STARD13: variants seen among roughly 807,000 people sequenced by gnomAD.
STARD13 encodes the protein stAR-related lipid transfer protein 13.
STARD13 carries 62 observed loss-of-function variants against 106.4 expected under a neutral mutation model. The observed-to-expected ratio is 0.58, with a 90% CI of 0.48 to 0.72. STARD13 has a LOEUF of 0.72. STARD13 is among the 30% of genes least tolerant of loss of function. The pLI is 0.00. For synonymous variants in STARD13, 565 were observed against 553.0 expected (o/e 1.02, Z -0.31); for missense variants, 1,387 against 1,424.0 (o/e 0.97, Z 0.42).
At chr13:33,149,785 C>G (rs1881027950) in intron 3 of STARD13, among the ~76,000 whole-genome samples, 1 of 152,180 alleles carries the variant, frequency 6.6e-6, no homozygotes. Context: ...CTGACTGCCT[C>G]AAGTAAAAGA....
At chr13:33,635,256 G>A in the STARD13 span, among the ~76,000 whole-genome samples, 1 of 137,584 alleles carries the variant, frequency 7.3e-6, no homozygotes, top group Non-Finnish European at 1.5e-5. Context: ...CAGACTGCCC[G>A]GGGTTAAAAT....
At position 33,130,324 on chromosome 13, in the gene STARD13, C is replaced by T. The variant is rs903265771; in HGVS notation, c.388-35G>A. ...ACCAAGGAAAATGCTCATTAGCAGA[C>T]AGCGTGGCTGAAGCAGGAACTCTGG... On this transcript the variant is annotated intron_variant, in intron 4 of 13. Coordinates refer to ENST00000336934, the MANE Select transcript of STARD13 (RefSeq NM_178006.4). This position sits in a 1 kb window ranked among gnomAD's most constrained non-coding sequence, Gnocchi z 4.1. 6.3e-7 allele frequency: 1 copy of T among 1,578,890 alleles called. No individual in the cohort carries two copies. The highest frequency in any genetic ancestry group is 8.6e-7 in the Non-Finnish European group (1 of 1,167,778).
In STARD13 at chr13:33,128,921, C is replaced by A; in HGVS notation, c.1748+8G>T. The A allele has an allele frequency of 6.3e-7, 1 of 1,591,746 alleles. No homozygotes were observed. Among genetic ancestry groups the A allele is most frequent in the Non-Finnish European group, 8.5e-7 (1 of 1,170,706 alleles). ...TGAAAAATCATTTCACAAGTGCATG[C>A]CACCTACCTGTTTGGCCTGGTCAGA... On this transcript the variant is annotated splice_region_variant and intron_variant, in intron 5 of 13. Coordinates refer to ENST00000336934, the MANE Select transcript of STARD13 (RefSeq NM_178006.4).
intron 13 of STARD13, 121 bp downstream of exon 13, chr13:33,106,637 T>C: frequency 2.2e-6 from 2 of 907,668 alleles, no homozygotes; most frequent in Non-Finnish European, 1.6e-6. Context: ...GAAAGCACAC[T>C]AATGGCAATG....
chr13:33,333,365 G>C (rs901518621), intron 1 of STARD13, among the ~76,000 whole-genome samples: 2 of 152,154 alleles, frequency 1.3e-5, no homozygotes, highest in African/African-American at 2.4e-5. Context: ...TCCAGCTTGG[G>C]CAACAGAGTG....
chr13:33,491,219 C>T, the STARD13 span, among the ~76,000 whole-genome samples: 1 of 152,190 alleles, frequency 6.6e-6, no homozygotes, highest in Non-Finnish European at 1.5e-5. Flanking sequence ...AAACATTTCT[C>T]CATGGTATTT....
At chr13:33,224,878 C>G (rs990988391) in intron 1 of STARD13, among the ~76,000 whole-genome samples, 28 of 152,124 alleles carry the variant, frequency 1.8e-4, no homozygotes, top group African/African-American at 6.8e-4. Flanking sequence ...CTAAGCATAA[C>G]CGACCTTTGA....
intron 4 of STARD13, chr13:33,138,300 G>A (rs1250072020): frequency 6.6e-6 from 1 of 152,074 alleles, no homozygotes; most frequent in Non-Finnish European, 1.5e-5. Flanking sequence ...ATGTCATCAT[G>A]GAGCAAGCGC....
intron 1 of STARD13, among the ~76,000 whole-genome samples, chr13:33,295,229 A>G (rs1378787242): frequency 6.6e-6 from 1 of 152,246 alleles, no homozygotes; most frequent in Non-Finnish European, 1.5e-5. Flanking sequence ...AAAGTGGTGC[A>G]GAGAAGAGTA....
downstream of STARD13, among the ~76,000 whole-genome samples, chr13:33,348,270 T>C (rs910932958): frequency 3.9e-5 from 6 of 152,266 alleles, no homozygotes; most frequent in South Asian, 2.1e-4. Context: ...TTTAGCTTTC[T>C]ATATATTCAC....
intron 1 of STARD13, among the ~76,000 whole-genome samples, chr13:33,189,413 G>A (rs1209889830): frequency 1.6e-5 from 1 of 61,090 alleles, no homozygotes; most frequent in African/African-American, 4.8e-5. Flanking sequence ...CTTTCCTCCT[G>A]CTTTCCCTCC....
the STARD13 span, among the ~76,000 whole-genome samples, chr13:33,641,412 C>A: frequency 6.6e-6 from 1 of 152,036 alleles, no homozygotes; most frequent in Non-Finnish European, 1.5e-5. Context: ...CCAGTTTTTA[C>A]ACAGAAAGGT....
the STARD13 span, among the ~76,000 whole-genome samples, chr13:33,650,050 A>T: frequency 6.6e-6 from 1 of 151,962 alleles, no homozygotes; most frequent in Non-Finnish European, 1.5e-5. Flanking sequence ...CACTCACATG[A>T]AACAAACCGC....
chr13:33,312,342 G>A (rs1170812742), intron 1 of STARD13, among the ~76,000 whole-genome samples: 1 of 152,214 alleles, frequency 6.6e-6, no homozygotes, highest in South Asian at 2.1e-4. Context: ...CCACCTAGCT[G>A]GGGAAGATAG....
chr13:33,466,369 T>C, the STARD13 span, among the ~76,000 whole-genome samples: 13,181 of 152,212 alleles, frequency 0.087, 662 homozygotes, highest in East Asian at 0.14. Context: ...ACTAGTGTAA[T>C]AAAATACCCT....
chr13:33,459,000 C>A, the STARD13 span, among the ~76,000 whole-genome samples: 2 of 151,856 alleles, frequency 1.3e-5, no homozygotes, highest in African/African-American at 4.8e-5. Context: ...ACCTTGGCCT[C>A]CCAAAGTGCT....
the STARD13 span, chr13:33,661,127 A>G: frequency 6.6e-6 from 1 of 152,202 alleles, no homozygotes; most frequent in African/African-American, 2.4e-5. Context: ...GATTTCTTCC[A>G]TGAACATTAC....
At chr13:33,182,086 G>A (rs1270769245) in intron 1 of STARD13, among the ~76,000 whole-genome samples, 3 of 152,160 alleles carry the variant, frequency 2.0e-5, no homozygotes, top group Non-Finnish European at 4.4e-5. Flanking sequence ...TCATGTAGTT[G>A]TGAACATGCA....
the STARD13 span, among the ~76,000 whole-genome samples, chr13:33,460,983 C>T: frequency 6.6e-6 from 1 of 152,110 alleles, no homozygotes; most frequent in Admixed American, 6.5e-5. Context: ...ATAAACAAGA[C>T]AAAAAGAGCA....
Sources: allele counts gnomAD v4.1 joint callset (sites outside exome capture counted in the v4.1 genomes callset), GRCh38; gene constraint gnomAD v4.1.1; non-coding constraint Gnocchi (gnomAD v3.1); transcripts MANE v1.5; gene names NCBI Gene and HGNC (gene_info 2026-07-23, HGNC 2026-07-21).